Variants in LRP1B observed in about 807,000 individuals in gnomAD.
The protein encoded by LRP1B is low-density lipoprotein receptor-related protein 1B.
LRP1B carries 217 observed loss-of-function variants against 556.6 expected under a neutral mutation model. The ratio of observed to expected loss-of-function variants is 0.39; its 90% CI spans 0.35 to 0.44. LRP1B has a LOEUF of 0.44. Among genes scored for constraint, LRP1B ranks in the 20% least tolerant of loss-of-function variants. The pLI is 1.00. For missense variants in LRP1B, 5,053 were observed against 5,620.8 expected (o/e 0.90, Z 3.23); for synonymous variants, 2,047 against 1,865.8 (o/e 1.10, Z -2.50).
chr2:141,502,425 A>G (rs534345273), intron 2 of LRP1B, among the ~76,000 whole-genome samples: 1 of 152,320 alleles, frequency 6.6e-6, no homozygotes, highest in African/African-American at 2.4e-5. Context: ...TAATCAAAAG[A>G]TTCCAGCATA....
chr2:141,840,553 G>A (rs796991127), intron 1 of LRP1B, among the ~76,000 whole-genome samples: 6 of 152,068 alleles, frequency 3.9e-5, no homozygotes, highest in African/African-American at 4.8e-5. Context: ...CACCACGCCC[G>A]GCATTATTAG....
chr2:141,618,197 C>G (rs1331316329), intron 2 of LRP1B, among the ~76,000 whole-genome samples: 1 of 151,554 alleles, frequency 6.6e-6, no homozygotes, highest in African/African-American at 2.4e-5. Flanking sequence ...TTTTTTTTTC[C>G]TCGCTAGTAA....
chr2:141,512,376 T>G (rs1407559647), intron 2 of LRP1B, among the ~76,000 whole-genome samples: 3 of 152,172 alleles, frequency 2.0e-5, no homozygotes, highest in Non-Finnish European at 4.4e-5. Context: ...GTGGCCATGA[T>G]GCTAAGTTCC....
intron 83 of LRP1B, among the ~76,000 whole-genome samples, chr2:140,308,694 A>G (rs1684168166): frequency 6.6e-6 from 1 of 151,732 alleles, no homozygotes; most frequent in Non-Finnish European, 1.5e-5. Flanking sequence ...ATGATTTTTT[A>G]GTTCAGTTGG....
intron 3 of LRP1B, among the ~76,000 whole-genome samples, chr2:141,395,285 C>G (rs960950741): frequency 2.6e-5 from 4 of 152,070 alleles, no homozygotes; most frequent in African/African-American, 9.7e-5. Flanking sequence ...ATGCCCTATA[C>G]AGGTATACCA....
At chr2:141,766,222 A>G (rs1263800110) in intron 2 of LRP1B, among the ~76,000 whole-genome samples, 1 of 152,188 alleles carries the variant, frequency 6.6e-6, no homozygotes, top group African/African-American at 2.4e-5. Context: ...ACTTGAAGAT[A>G]AGAAAAATAG....
chr2:140,286,332 T>C (rs754441161), intron 84 of LRP1B, among the ~76,000 whole-genome samples: 4 of 151,802 alleles, frequency 2.6e-5, no homozygotes, highest in Non-Finnish European at 4.4e-5. Context: ...GGGTTTGTGT[T>C]CAGATGGAGG....
At chr2:141,033,436 A>G (rs1264172939) in intron 11 of LRP1B, among the ~76,000 whole-genome samples, 1 of 152,078 alleles carries the variant, frequency 6.6e-6, no homozygotes, top group Non-Finnish European at 1.5e-5. Context: ...AGAATAAGCT[A>G]TAGGGGAGTA....
At chr2:140,438,684 T>C (rs1366282990) in intron 66 of LRP1B, among the ~76,000 whole-genome samples, 2 of 152,230 alleles carry the variant, frequency 1.3e-5, no homozygotes, top group Non-Finnish European at 2.9e-5. Context: ...AGTGTGATTA[T>C]AGCTAACACA....
chr2:141,399,289 T>C (rs1690360266), intron 3 of LRP1B, among the ~76,000 whole-genome samples: 1 of 152,018 alleles, frequency 6.6e-6, no homozygotes, highest in Non-Finnish European at 1.5e-5. Flanking sequence ...TCCATCTCAT[T>C]TTAATGTTAA....
At chr2:141,706,834 TATTTAGTTCTAATTACTACTTAAA>T (rs1398942906) in intron 2 of LRP1B, among the ~76,000 whole-genome samples, 5 of 152,024 alleles carry the variant, frequency 3.3e-5, no homozygotes, top group Admixed American at 3.3e-4. Flanking sequence ...TTAATACTAA[TATTTAGTTCTAATTACTACTTAAA>T]AACTAGTAAT....
chr2:141,088,328 A>G (rs925185749), intron 7 of LRP1B, among the ~76,000 whole-genome samples: 6 of 152,142 alleles, frequency 3.9e-5, no homozygotes, highest in Non-Finnish European at 8.8e-5. Context: ...CATCAATTTC[A>G]CTTCTACTCA....
intron 1 of LRP1B, among the ~76,000 whole-genome samples, chr2:141,963,066 G>A (rs1701447660): frequency 1.3e-5 from 2 of 151,714 alleles, no homozygotes; most frequent in African/African-American, 2.4e-5. Context: ...GAGAACACAA[G>A]AGGGTTTTTT....
chr2:142,053,398 T>C lies in LRP1B; in HGVS notation c.82+77250A>G, dbSNP rs537790206. On this transcript the variant is annotated intron_variant, in intron 1 of 90. Transcript: ENST00000389484. ...AAATTAATTCAAATGTTCACAGCTA[T>C]AAAATACAACTCTTAGACTCCAACA... Among the ~76,000 whole-genome samples, 12 of 152,218 alleles carry C rather than the reference T, an allele frequency of 7.9e-5. No individual in the cohort carries two copies. In the South Asian group the frequency reaches 2.5e-3, roughly 32 times the overall value.
At chr2:141,624,114 G>T (rs1176505060) in intron 2 of LRP1B, among the ~76,000 whole-genome samples, 4 of 149,492 alleles carry the variant, frequency 2.7e-5, no homozygotes, top group South Asian at 2.1e-4. Context: ...ATTAGTAAAG[G>T]GTATATGTAT....
chr2:141,092,238 G>C (rs904345676), intron 7 of LRP1B, among the ~76,000 whole-genome samples: 1 of 152,180 alleles, frequency 6.6e-6, no homozygotes, highest in East Asian at 1.9e-4. Context: ...TTCAACCAAA[G>C]AGTTATAGGT....
intron 1 of LRP1B, among the ~76,000 whole-genome samples, chr2:141,978,739 A>T (rs1561023): frequency 0.87 from 131,543 of 151,964 alleles, 57,061 homozygotes; most frequent in East Asian, 1. Context: ...GATTAAAAAA[A>T]CATCATCATT....
intron 10 of LRP1B, among the ~76,000 whole-genome samples, chr2:141,051,407 A>G (rs754010263): frequency 3.9e-5 from 6 of 152,164 alleles, no homozygotes; most frequent in Non-Finnish European, 8.8e-5. Context: ...CTGGATAAAG[A>G]AAATGTGGAA....
intron 77 of LRP1B, among the ~76,000 whole-genome samples, chr2:140,338,240 CA>C (rs1681196757): frequency 6.6e-6 from 1 of 151,634 alleles, no homozygotes; most frequent in South Asian, 2.1e-4. Flanking sequence ...GCAATTAATT[CA>C]AACTAAATTT....
Sources: gnomAD v4.1 joint callset for allele counts (sites outside exome capture counted in the v4.1 genomes callset) on GRCh38, gnomAD v4.1.1 for gene constraint, MANE v1.5 for transcripts, NCBI Gene and HGNC (gene_info 2026-07-23, HGNC 2026-07-21) for gene names.